GRM7: variants seen among roughly 807,000 people sequenced by gnomAD.
GRM7 encodes glutamate metabotropic receptor 7.
GRM7 carries 35 observed loss-of-function variants against 84.5 expected under a neutral mutation model. The ratio of observed to expected loss-of-function variants is 0.41; its 90% CI spans 0.32 to 0.55. The LOEUF is 0.55. Among genes scored for constraint, GRM7 ranks in the 20% least tolerant of loss-of-function variants. GRM7 has a pLI of 0.19. For missense variants in GRM7, 1,003 were observed against 1,194.6 expected, an observed-to-expected ratio of 0.84 and a Z score of 2.36; for synonymous variants, 487 against 455.1, an observed-to-expected ratio of 1.07 and a Z score of -0.89.
intron 2 of GRM7, among the ~76,000 whole-genome samples, chr3:7,292,192 C>A (rs1699656045): frequency 6.6e-6 from 1 of 152,116 alleles, no homozygotes; most frequent in South Asian, 2.1e-4. Flanking sequence ...TGACCTTGAC[C>A]TTTTAAAGTT....
intron 7 of GRM7, among the ~76,000 whole-genome samples, chr3:7,500,374 G>A (rs965102131): frequency 6.6e-6 from 1 of 152,156 alleles, no homozygotes; most frequent in African/African-American, 2.4e-5. Context: ...TTCAGAGTCG[G>A]TGTTTGCTTC....
At chr3:7,628,385 C>G (rs931572358) in intron 8 of GRM7, among the ~76,000 whole-genome samples, 1 of 152,274 alleles carries the variant, frequency 6.6e-6, no homozygotes, top group South Asian at 2.1e-4. Context: ...TCATTCATCT[C>G]TGTATCCTCA....
At chr3:6,980,561 C>A (rs2124830871) in intron 1 of GRM7, among the ~76,000 whole-genome samples, 1 of 152,298 alleles carries the variant, frequency 6.6e-6, no homozygotes, top group South Asian at 2.1e-4. Flanking sequence ...TACTTGAGAA[C>A]TTCCACTGTT....
At chr3:7,408,385 G>T (rs551963484) in intron 4 of GRM7, among the ~76,000 whole-genome samples, 88 of 152,250 alleles carry the variant, frequency 5.8e-4, no homozygotes, top group African/African-American at 1.7e-3. Context: ...CTTCCCGTGA[G>T]ATTTTTGTTC....
At chr3:7,651,208 A>G (rs550931724) in intron 8 of GRM7, among the ~76,000 whole-genome samples, 1 of 136,050 alleles carries the variant, frequency 7.4e-6, no homozygotes, top group South Asian at 2.3e-4. Context: ...CAAGCTGTGG[A>G]CCTTATCCTG....
intron 1 of GRM7, among the ~76,000 whole-genome samples, chr3:7,031,752 G>C (rs1696191731): frequency 1.3e-5 from 2 of 151,980 alleles, no homozygotes; most frequent in Admixed American, 1.3e-4. Flanking sequence ...GATTTTATTT[G>C]TGTAATTCCT....
At chr3:6,894,361 T>G (rs1298511372) in intron 1 of GRM7, among the ~76,000 whole-genome samples, 1 of 152,098 alleles carries the variant, frequency 6.6e-6, no homozygotes, top group Non-Finnish European at 1.5e-5. Context: ...TATTATCAAA[T>G]GTACTGCAAT....
In GRM7 at chr3:7,647,308, C is replaced by A. The variant is rs186880468; in HGVS notation, c.2452-32741C>A. On this transcript the variant is annotated intron_variant, in intron 8 of 9. Coordinates refer to ENST00000357716, the MANE Select transcript of GRM7 (RefSeq NM_000844.4). ...GAATGGGTACAGACACTTCCCTTTT[C>A]TTCCCAATCCTGAGAAAGCAGCTTT... 1.5e-3 allele frequency among the ~76,000 whole-genome samples: 234 copies of A among 152,370 alleles called. 2 individuals carry two copies. The highest frequency in any genetic ancestry group is 0.014 in the Admixed American group (216 of 15,310).
intron 5 of GRM7, among the ~76,000 whole-genome samples, chr3:7,424,988 A>G (rs1337822018): frequency 2.0e-5 from 3 of 152,120 alleles, no homozygotes; most frequent in Non-Finnish European, 4.4e-5. Flanking sequence ...GGATCAACCC[A>G]ATGGTACATA....
At chr3:7,010,504 G>A (rs1324180756) in intron 1 of GRM7, among the ~76,000 whole-genome samples, 1 of 152,174 alleles carries the variant, frequency 6.6e-6, no homozygotes. Flanking sequence ...GATCTAATAG[G>A]ATTCTTGCTG....
intron 8 of GRM7, among the ~76,000 whole-genome samples, chr3:7,648,494 A>G (rs1698764754): frequency 6.6e-6 from 1 of 151,922 alleles, no homozygotes; most frequent in Non-Finnish European, 1.5e-5. Context: ...TAAAAAATAC[A>G]AAAAGTTAGC....
At chr3:7,576,069 TTTG>T (rs917764245) in intron 7 of GRM7, among the ~76,000 whole-genome samples, 3 of 152,208 alleles carry the variant, frequency 2.0e-5, no homozygotes, top group Non-Finnish European at 2.9e-5. Context: ...TGTATTTATT[TTTG>T]TTGTTGTTAT....
At chr3:6,879,466 T>C (rs1052231746) in intron 1 of GRM7, among the ~76,000 whole-genome samples, 1 of 152,206 alleles carries the variant, frequency 6.6e-6, no homozygotes, top group Admixed American at 6.5e-5. Context: ...ACCTGTTCTG[T>C]TTTACTTATT....
chr3:6,953,025 A>G (rs757436792), intron 1 of GRM7, among the ~76,000 whole-genome samples: 1 of 152,222 alleles, frequency 6.6e-6, no homozygotes, highest in Non-Finnish European at 1.5e-5. Context: ...AGTGAGGGCA[A>G]TATGAGCTGG....
At chr3:7,360,670 G>A (rs555339592) in intron 4 of GRM7, among the ~76,000 whole-genome samples, 47 of 152,166 alleles carry the variant, frequency 3.1e-4, no homozygotes, top group African/African-American at 7.9e-4. Flanking sequence ...AGCAAGGTTT[G>A]GACTGTATTT....
intron 4 of GRM7, among the ~76,000 whole-genome samples, chr3:7,347,327 G>C (rs991929120): frequency 6.6e-6 from 1 of 152,058 alleles, no homozygotes; most frequent in African/African-American, 2.4e-5. Context: ...TTATGTTCTT[G>C]AGCAAAAGGA....
intron 1 of GRM7, among the ~76,000 whole-genome samples, chr3:7,111,573 G>A (rs1692852776): frequency 6.6e-6 from 1 of 152,134 alleles, no homozygotes; most frequent in Non-Finnish European, 1.5e-5. Flanking sequence ...TTTCTGAGGA[G>A]CAGAGGTTCA....
intron 8 of GRM7, among the ~76,000 whole-genome samples, chr3:7,671,625 A>G (rs1341984268): frequency 6.6e-6 from 1 of 150,674 alleles, no homozygotes; most frequent in East Asian, 1.9e-4. Flanking sequence ...ATTATTTATA[A>G]TTCTATGACC....
At chr3:7,453,029 A>ATT (rs60916756) in intron 6 of GRM7, among the ~76,000 whole-genome samples, 45,423 of 141,710 alleles carry the variant, frequency 0.32, 7,521 homozygotes, top group South Asian at 0.44. Flanking sequence ...TGAAATAGAG[A>ATT]TTTTTTTTTT....
Sources: allele counts gnomAD v4.1 joint callset (sites outside exome capture counted in the v4.1 genomes callset), GRCh38; gene constraint gnomAD v4.1.1; transcripts MANE v1.5; gene names NCBI Gene and HGNC (gene_info 2026-07-23, HGNC 2026-07-21).